ERC2: variants seen among roughly 807,000 people sequenced by gnomAD.
The protein encoded by ERC2 is ERC protein 2.
In ERC2, 42 loss-of-function variants were observed where a neutral mutation model predicts 114.8. That is an observed-to-expected ratio of 0.37 (90% CI 0.29 to 0.47). The LOEUF (loss-of-function observed/expected upper bound fraction) is 0.47. Ranked by LOEUF, ERC2 falls within the 20% of genes least tolerant of loss-of-function variation. The probability of loss-of-function intolerance (pLI) is 0.99; values close to 1 mark genes in which losing one functional copy is unlikely to be tolerated. For synonymous variants in ERC2, 454 were observed against 425.5 expected, an observed-to-expected ratio of 1.07 and a Z score of -0.82; for missense variants, 939 against 1,150.7, an observed-to-expected ratio of 0.82 and a Z score of 2.66.
intron 14 of ERC2, among the ~76,000 whole-genome samples, chr3:55,810,586 C>T (rs112540271): frequency 0.012 from 1,860 of 152,162 alleles, 39 homozygotes; most frequent in African/African-American, 0.041. Flanking sequence ...CTTCAGCCTC[C>T]CAAGTAGCTG....
At chr3:55,960,779 C>A (rs73831821) in intron 12 of ERC2, among the ~76,000 whole-genome samples, 3,390 of 152,284 alleles carry the variant, frequency 0.022, 88 homozygotes, top group African/African-American at 0.071. Context: ...AGAAAGTATA[C>A]AAATAGATTA....
intron 15 of ERC2, among the ~76,000 whole-genome samples, chr3:55,728,506 G>T (rs933787778): frequency 6.6e-6 from 1 of 152,172 alleles, no homozygotes; most frequent in African/African-American, 2.4e-5. Flanking sequence ...AAAGGGAAGG[G>T]TACATGCAAG....
rs375386165 is a variant in ERC2, at chr3:56,296,116, T to C, written c.977A>G (p.Asn326Ser). The change falls in exon 3 of 18, where the codon AAT (asparagine) becomes AGT (serine). Residue 326 changes from asparagine to serine, a missense_variant. Around this residue, in one of 5 missense-constraint regions of ERC2, gnomAD observed 148 missense variants for 159.1 expected, o/e 0.93. Transcript: ENST00000288221. ...GLPSKSLEDD[N>S]ERTRRMAEAE... ...CTCTGCCATCCGCCGCGTTCGCTCA[T>C]TGTCATCCTCCAGGCTTTTGGATGG... The C allele has an allele frequency of 7.1e-5, 114 of 1,613,908 alleles. No individual in the cohort carries two copies. The highest frequency in any genetic ancestry group is 3.3e-4 in the Middle Eastern group (2 of 6,084).
At chr3:56,047,110 C>T (rs879819567) in intron 7 of ERC2, among the ~76,000 whole-genome samples, 9 of 152,134 alleles carry the variant, frequency 5.9e-5, no homozygotes, top group African/African-American at 1.7e-4. Context: ...GTTCTGAAAT[C>T]GGATATTTAA....
rs1426728172 is a variant in ERC2 at position 55,893,722 on chromosome 3, C to G, written c.2404-5173G>C. Among the ~76,000 whole-genome samples the G allele has an allele frequency of 5.9e-5, 9 of 152,310 alleles. No individual in the cohort carries two copies. The South Asian group carries it at 1.9e-3, about 32-fold the overall frequency. ...TTCCATTCATCACCAACTCCTAGAG[C>G]TCTATTTTGGAAATATTTCTTGGAT... On this transcript the variant is annotated intron_variant, in intron 13 of 17. Transcript: ENST00000288221.
chr3:55,955,853 T>G (rs1444906564), intron 12 of ERC2, among the ~76,000 whole-genome samples: 1 of 152,226 alleles, frequency 6.6e-6, no homozygotes, highest in Non-Finnish European at 1.5e-5. Context: ...TGGCTAAACC[T>G]CGGAAGCAGA....
intron 2 of ERC2, among the ~76,000 whole-genome samples, chr3:56,428,957 C>T (rs2061682457): frequency 6.6e-6 from 1 of 152,170 alleles, no homozygotes; most frequent in Non-Finnish European, 1.5e-5. Context: ...CCTTGGCTAG[C>T]CATGCACAAC....
Position 56,442,315 on chromosome 3 carries a change from G to A in ERC2, c.-140-7168C>T, listed in dbSNP as rs1029887014. On this transcript the variant is annotated intron_variant, in intron 1 of 17. Coordinates refer to ENST00000288221, the MANE Select transcript of ERC2 (RefSeq NM_015576.3). ...GCCTCACTGCAATCTCTGTCTCCCA[G>A]GCTCAAGTGATTCTCGTGCCTCAGC... Among the ~76,000 whole-genome samples, 3 of 152,236 alleles carry A rather than the reference G, an allele frequency of 2.0e-5. No individual in the cohort carries two copies. The East Asian group carries it at 5.8e-4, about 29-fold the overall frequency.
At chr3:55,771,273 T>C (rs948042512) in intron 14 of ERC2, among the ~76,000 whole-genome samples, 9 of 152,208 alleles carry the variant, frequency 5.9e-5, no homozygotes, top group Non-Finnish European at 1.0e-4. Flanking sequence ...CTGTTGGTTT[T>C]TTAATACTTG....
chr3:56,251,020 C>T (rs1211623905), intron 3 of ERC2, among the ~76,000 whole-genome samples: 1 of 152,218 alleles, frequency 6.6e-6, no homozygotes, highest in Non-Finnish European at 1.5e-5. Flanking sequence ...CACAGGCTGC[C>T]TGGAGAGTGA....
intron 3 of ERC2, among the ~76,000 whole-genome samples, chr3:56,211,847 G>C (rs9809991): frequency 0.5 from 75,653 of 151,958 alleles, 19,161 homozygotes; most frequent in East Asian, 0.73. Context: ...AACACAAAGT[G>C]GGGAAAGAAC....
At chr3:56,323,229 A>T (rs552393475) in intron 2 of ERC2, among the ~76,000 whole-genome samples, 67 of 152,166 alleles carry the variant, frequency 4.4e-4, no homozygotes, top group Non-Finnish European at 7.1e-4. Flanking sequence ...TCCCCCTAGA[A>T]TATTCAGCTA....
At chr3:55,567,292 A>T (rs1228285644) in intron 17 of ERC2, among the ~76,000 whole-genome samples, 1 of 152,206 alleles carries the variant, frequency 6.6e-6, no homozygotes, top group Admixed American at 6.5e-5. Context: ...CACTCCAGGC[A>T]GAGCAATAGA....
intron 3 of ERC2, among the ~76,000 whole-genome samples, chr3:56,190,845 A>T (rs2083948741): frequency 6.6e-6 from 1 of 152,134 alleles, no homozygotes. Flanking sequence ...AAGTGCTGAG[A>T]TTACAGATAT....
chr3:56,275,261 C>T (rs2053918410), intron 3 of ERC2, among the ~76,000 whole-genome samples: 1 of 152,152 alleles, frequency 6.6e-6, no homozygotes, highest in South Asian at 2.1e-4. Context: ...CTAACTCAAG[C>T]AGACTGCTTT....
At chr3:55,902,452 A>G (rs2064187727) in intron 13 of ERC2, among the ~76,000 whole-genome samples, 1 of 152,078 alleles carries the variant, frequency 6.6e-6, no homozygotes, top group Admixed American at 6.6e-5. Flanking sequence ...TACAGGGAAA[A>G]CTCAGAACAA....
intron 3 of ERC2, among the ~76,000 whole-genome samples, chr3:56,295,459 C>T (rs2055368618): frequency 6.6e-6 from 1 of 152,138 alleles, no homozygotes; most frequent in African/African-American, 2.4e-5. Flanking sequence ...CTACTAAGGG[C>T]AAAACACATA....
intron 6 of ERC2, among the ~76,000 whole-genome samples, chr3:56,092,866 G>T (rs542036662): frequency 6.6e-6 from 1 of 152,070 alleles, no homozygotes; most frequent in Non-Finnish European, 1.5e-5. Context: ...ATGTAAGCAC[G>T]AAATTGTGTT....
chr3:56,407,158 C>A (rs575186638), intron 2 of ERC2, among the ~76,000 whole-genome samples: 8 of 152,224 alleles, frequency 5.3e-5, no homozygotes, highest in Non-Finnish European at 1.0e-4. Flanking sequence ...CTCCCAACAA[C>A]TTTCACCCAC....
Sources: allele counts gnomAD v4.1 joint callset (sites outside exome capture counted in the v4.1 genomes callset), GRCh38; gene constraint gnomAD v4.1.1; regional missense constraint gnomAD v4.1.1; transcripts MANE v1.5; gene names NCBI Gene and HGNC (gene_info 2026-07-23, HGNC 2026-07-21).